The following ZFR2 variants were observed in gnomAD, a reference collection of about 807,000 sequenced individuals.
ZFR2 encodes zinc finger RNA binding protein 2.
ZFR2 carries 104 observed loss-of-function variants against 105.7 expected under a neutral mutation model. The ratio of observed to expected loss-of-function variants is 0.98; its 90% CI spans 0.84 to 1.16. The LOEUF is 1.16. Among genes scored for constraint, ZFR2 ranks in the 50% most tolerant of loss-of-function variants. ZFR2 has a pLI of 0.00. For missense variants in ZFR2, 1,425 were observed against 1,355.5 expected, an observed-to-expected ratio of 1.05 and a Z score of -0.80; for synonymous variants, 634 against 597.7, an observed-to-expected ratio of 1.06 and a Z score of -0.89.
chr19:3,868,267 C>A (rs2038457073), intron 1 of ZFR2, among the ~76,000 whole-genome samples: 1 of 151,746 alleles, frequency 6.6e-6, no homozygotes, highest in African/African-American at 2.4e-5. Flanking sequence ...CAGGAACCCT[C>A]GCTGATCTCT....
chr19:3,809,672 G>C (rs769494398), intron 16 of ZFR2, among the ~76,000 whole-genome samples: 2 of 152,332 alleles, frequency 1.3e-5, no homozygotes, highest in Admixed American at 1.3e-4. Flanking sequence ...GGTCCGGCGC[G>C]GTGGCTCATG....
chr19:3,863,745 GTT>G (rs2038399140), intron 1 of ZFR2, among the ~76,000 whole-genome samples: 1 of 152,186 alleles, frequency 6.6e-6, no homozygotes, highest in Admixed American at 6.6e-5. Context: ...TCAGGGCTGG[GTT>G]CCACACCACG....
chr19:3,809,952 T>A (rs2037743420), intron 16 of ZFR2, among the ~76,000 whole-genome samples: 1 of 151,940 alleles, frequency 6.6e-6, no homozygotes, highest in Non-Finnish European at 1.5e-5. Context: ...CTCAAAAAAA[T>A]GATTTTAAAA....
At chr19:3,851,548 A>G (rs968588245) in intron 1 of ZFR2, among the ~76,000 whole-genome samples, 37 of 152,188 alleles carry the variant, frequency 2.4e-4, no homozygotes, top group South Asian at 8.3e-4. Context: ...TTTGTCTCCA[A>G]TGGGGCAGCC....
At position 3,813,938 on chromosome 19, in the gene ZFR2, A is replaced by C. The variant is rs1043009306; in HGVS notation, c.2124T>G (p.Tyr708Ter). 1.2e-6 allele frequency: 2 copies of C among 1,613,924 alleles called. No homozygotes were observed. Among genetic ancestry groups the C allele is most frequent in the Non-Finnish European group, 1.7e-6 (2 of 1,179,876 alleles). Residue 708 changes from tyrosine (Y) to a stop codon, truncating the protein, a stop_gained, in exon 14 of 19, where the codon TAT becomes TAG. Transcript: ENST00000262961. LOFTEE classifies it high-confidence loss of function. This position sits in a 1 kb window ranked among gnomAD's most constrained non-coding sequence, Gnocchi z 4.4. Reference protein sequence around the residue: ...RQLQMVTEDEYEVSSDPEANI... With the variant: ...RQLQMVTEDE The stretch of plus-strand genomic sequence containing the variant: ...TGGCTTCAGGGTCGGAGGAGACCTC[A>C]TACTCATCCTCGGTCACCATCTGGG...
chr19:3,850,930 C>T (rs1395302621), intron 1 of ZFR2, among the ~76,000 whole-genome samples: 3 of 148,190 alleles, frequency 2.0e-5, no homozygotes, highest in African/African-American at 7.5e-5. Flanking sequence ...AAAAGAGACA[C>T]CAGCAGTGCA....
chr19:3,830,260 T>C (rs925799990), intron 5 of ZFR2, among the ~76,000 whole-genome samples: 1 of 152,052 alleles, frequency 6.6e-6, no homozygotes, highest in African/African-American at 2.4e-5. Flanking sequence ...GGCGACATAG[T>C]GAGACCCCAT....
In ZFR2 at chr19:3,820,300, C is replaced by G. The variant is rs762388856; in HGVS notation, c.1632-10G>C. Reference sequence around the variant, plus strand: ...CTCCTCCTCCAGCCGCCTGCAGGACCGAGACGTGACAGAGCATGGTCAGGC... The same window carrying G: ...CTCCTCCTCCAGCCGCCTGCAGGACGGAGACGTGACAGAGCATGGTCAGGC... On this transcript the variant is annotated splice_polypyrimidine_tract_variant and intron_variant, in intron 10 of 18. Coordinates refer to ENST00000262961, the MANE Select transcript of ZFR2 (RefSeq NM_015174.2). 18 of 1,540,206 alleles carry G rather than the reference C, an allele frequency of 1.2e-5. No homozygotes were observed. The East Asian group carries it at 4.2e-4, about 36-fold the overall frequency.
rs1381772817 is a variant in ZFR2, at chr19:3,805,832, G to GT, written c.*116dup. The stretch of plus-strand genomic sequence containing the variant: ...GTGTTTTAAAGGAAACCTACAGAGC[G>GT]TTACTCAAAAGGAAATGACCATTGT... On this transcript the variant is annotated 3_prime_UTR_variant, in exon 19 of 19. Coordinates refer to ENST00000262961, the MANE Select transcript of ZFR2 (RefSeq NM_015174.2). The GT allele has an allele frequency of 4.9e-6, 6 of 1,213,572 alleles. No homozygotes were observed. The African/African-American group carries it at 7.9e-5, about 16-fold the overall frequency. The allele number at this position is 1,213,572 out of a possible 1,614,324, so 75.2% of individuals were successfully genotyped here.
intron 1 of ZFR2, among the ~76,000 whole-genome samples, chr19:3,837,667 GAC>G (rs1316843023): frequency 6.6e-6 from 1 of 151,954 alleles, no homozygotes; most frequent in African/African-American, 2.4e-5. Flanking sequence ...CCATGACCGT[GAC>G]ACTCGATGAA....
rs2240234 is a variant in ZFR2, at chr19:3,831,711, C to T, written c.547G>A (p.Val183Met). ...GVQPESSASIVTSYPPPSYNP... is the reference protein window; with the variant it reads ...GVQPESSASIMTSYPPPSYNP... ...TAGGAGGGCGGGGGGTAGGAGGTCA[C>T]GATGGAAGCTGACGACTCGGGCTGG... The change falls in exon 4 of 19, where the codon GTG becomes ATG. Residue 183 changes from valine to methionine, a missense_variant. Val to Met is a conservative substitution (Grantham distance 21, BLOSUM62 1). Coordinates refer to ENST00000262961, the MANE Select transcript of ZFR2 (RefSeq NM_015174.2). The T allele has an allele frequency of 0.21, 333,424 of 1,590,550 alleles. 36,880 individuals carry two copies. The highest frequency in any genetic ancestry group is 0.37 in the South Asian group (32,124 of 87,196).
At chr19:3,841,107 G>T (rs2038128789) in intron 1 of ZFR2, among the ~76,000 whole-genome samples, 1 of 152,204 alleles carries the variant, frequency 6.6e-6, no homozygotes, top group South Asian at 2.1e-4. Flanking sequence ...CACCATGAAG[G>T]CAAAAGGCGA....
intron 11 of ZFR2, 24 bp from the exon 12 acceptor site, chr19:3,819,259 C>G: frequency 6.7e-7 from 1 of 1,490,510 alleles, no homozygotes; most frequent in Non-Finnish European, 8.9e-7. Context: ...CCGCACGTGT[C>G]AAGGGTGGTC....
intron 17 of ZFR2, among the ~76,000 whole-genome samples, chr19:3,807,822 G>A (rs572300655): frequency 6.8e-6 from 1 of 147,646 alleles, no homozygotes; most frequent in African/African-American, 2.5e-5. Context: ...ACGTGTGCCT[G>A]TATGTGCACT....
rs149160033 is a variant in ZFR2, at chr19:3,838,713, C to A, written c.54-3730G>T. Among the ~76,000 whole-genome samples, 7 of 152,140 alleles carry A rather than the reference C, an allele frequency of 4.6e-5. No individual in the cohort carries two copies. The highest frequency in any genetic ancestry group is 1.7e-4 in the African/African-American group (7 of 41,426). ...GTGGCTGCTCAGTGACACCCTGGGA[C>A]GAGCCCTCCTGGAGCCCCTGTGGCC... On this transcript the variant is annotated intron_variant, in intron 1 of 18. Coordinates refer to ENST00000262961, the MANE Select transcript of ZFR2 (RefSeq NM_015174.2). This position sits in a 1 kb window ranked among gnomAD's most constrained non-coding sequence, Gnocchi z 4.9.
At chr19:3,843,766 C>T (rs1344845328) in intron 1 of ZFR2, among the ~76,000 whole-genome samples, 4 of 145,492 alleles carry the variant, frequency 2.7e-5, no homozygotes, top group South Asian at 2.2e-4. Context: ...ACCTGGGAGG[C>T]GGAGCTTGCA....
intron 14 of ZFR2, 22 bp from the exon 15 acceptor site, chr19:3,811,388 G>T (rs1438595437): frequency 6.4e-7 from 1 of 1,557,280 alleles, no homozygotes; most frequent in Non-Finnish European, 8.7e-7. Flanking sequence ...AAAACCTCGA[G>T]GTGTGCGGGG....
chr19:3,826,587 C>T (rs942176474), intron 6 of ZFR2, among the ~76,000 whole-genome samples: 1 of 151,992 alleles, frequency 6.6e-6, no homozygotes, highest in Non-Finnish European at 1.5e-5. Flanking sequence ...AGGCACGCAC[C>T]CACCACGCCC....
rs2038447610 is a variant in ZFR2 at position 3,867,562 on chromosome 19, C to G, written c.53+1403G>C. 3.3e-5 allele frequency among the ~76,000 whole-genome samples: 5 copies of G among 151,866 alleles called. No individual in the cohort carries two copies. In the South Asian group the frequency reaches 1.0e-3, roughly 31 times the overall value. On this transcript the variant is annotated intron_variant, in intron 1 of 18. Transcript: ENST00000262961. ...CCATCTCTCCTCCAGGATCCTTTCT[C>G]TCCCTCCCCTCCCAAACGACCACAT...
Sources: gnomAD v4.1 joint callset for allele counts (sites outside exome capture counted in the v4.1 genomes callset) on GRCh38, gnomAD v4.1.1 for gene constraint, Gnocchi (gnomAD v3.1) non-coding constraint, MANE v1.5 for transcripts, NCBI Gene and HGNC (gene_info 2026-07-23, HGNC 2026-07-21) for gene names.